The following GABBR2 variants were observed in gnomAD, a reference collection of about 807,000 sequenced individuals.
GABBR2 encodes gamma-aminobutyric acid type B receptor subunit 2.
In GABBR2, 23 loss-of-function variants were observed where a neutral mutation model predicts 105.6. That is an observed-to-expected ratio of 0.22 (90% CI 0.16 to 0.31). GABBR2 has a LOEUF of 0.31. Ranked by LOEUF, GABBR2 falls within the 10% of genes least tolerant of loss-of-function variation. GABBR2 has a pLI of 1.00. For synonymous variants in GABBR2, 478 were observed against 499.7 expected (o/e 0.96, Z 0.58); for missense variants, 734 against 1,245.5 (o/e 0.59, Z 6.18).
At chr9:98,473,042 CAA>C (rs1379366555) in intron 6 of GABBR2, 102 bp downstream of exon 6, 18 of 848,258 alleles carry the variant, frequency 2.1e-5, no homozygotes, top group South Asian at 6.4e-5. Context: ...GTGATTTGCT[CAA>C]AGTGACACAG....
Position 98,397,926 on chromosome 9 carries a change from G to A in GABBR2, c.1298-3671C>T, listed in dbSNP as rs137906759. 1.2e-3 allele frequency among the ~76,000 whole-genome samples: 179 copies of A among 152,230 alleles called. 1 individual carries two copies. The East Asian group carries it at 0.018, about 15-fold the overall frequency. ...TGCACTCTGCTCAGGGTGCCTCCTG[G>A]GTCTGCAGATGGAAGGACTGTGTCC... On this transcript the variant is annotated intron_variant, in intron 8 of 18. Coordinates refer to ENST00000259455, the MANE Select transcript of GABBR2 (RefSeq NM_005458.8).
intron 3 of GABBR2, among the ~76,000 whole-genome samples, chr9:98,504,427 G>A (rs1408921964): frequency 6.6e-6 from 1 of 152,160 alleles, no homozygotes; most frequent in East Asian, 1.9e-4. Flanking sequence ...CTTCCCTAAT[G>A]AGGCTACTGC....
At chr9:98,512,348 A>G (rs1827662779) in intron 3 of GABBR2, among the ~76,000 whole-genome samples, 1 of 150,834 alleles carries the variant, frequency 6.6e-6, no homozygotes, top group South Asian at 2.1e-4. Flanking sequence ...AAACGGGCAC[A>G]AGACAGGGAT....
intron 1 of GABBR2, among the ~76,000 whole-genome samples, chr9:98,639,130 C>G (rs909339048): frequency 2.0e-5 from 3 of 152,212 alleles, no homozygotes; most frequent in Admixed American, 6.5e-5. Flanking sequence ...CTCACCCTGG[C>G]CCTCCTTTCC....
intron 3 of GABBR2, among the ~76,000 whole-genome samples, chr9:98,518,067 G>T (rs183226049): frequency 1.3e-5 from 2 of 152,204 alleles, no homozygotes; most frequent in East Asian, 3.9e-4. Context: ...AAAGAGTTCC[G>T]GGTATTTTTT....
intron 6 of GABBR2, among the ~76,000 whole-genome samples, chr9:98,460,556 C>A (rs1826406031): frequency 6.6e-6 from 1 of 151,832 alleles, no homozygotes. Flanking sequence ...TTAGACACAG[C>A]AGAAAGTAGA....
chr9:98,454,352 T>A lies in GABBR2; in HGVS notation c.1000-135A>T. 1 of 685,706 alleles carries A rather than the reference T, an allele frequency of 1.5e-6. No homozygotes were observed. Among genetic ancestry groups the A allele is most frequent in the Admixed American group, 2.1e-5 (1 of 46,694 alleles). The allele number at this position is 685,706 out of a possible 1,614,324, so 42.5% of individuals were successfully genotyped here. A position where few individuals can be genotyped will look rare whatever the true frequency, so the allele number is the denominator to read the frequency against. ...AGTGCTAGATTCTACGTGCATTATC[T>A]CATTTAACCCTCACAACAACCTCAT... On this transcript the variant is annotated intron_variant, in intron 6 of 18. Transcript: ENST00000259455. The surrounding 1 kb of genome is among the most constrained non-coding windows in gnomAD (Gnocchi z 4.6).
intron 3 of GABBR2, among the ~76,000 whole-genome samples, chr9:98,537,358 TG>T (rs1301907974): frequency 2.6e-5 from 4 of 152,252 alleles, no homozygotes; most frequent in Admixed American, 2.0e-4. Flanking sequence ...TTCCTGGGGC[TG>T]GGGGGTGGAA....
At chr9:98,585,411 T>C (rs1267806751) in intron 1 of GABBR2, among the ~76,000 whole-genome samples, 1 of 147,244 alleles carries the variant, frequency 6.8e-6, no homozygotes, top group Non-Finnish European at 1.5e-5. Context: ...AAACACCACA[T>C]GTTCTCACTC....
intron 8 of GABBR2, 90 bp from the exon 9 acceptor site, chr9:98,394,345 G>GCCCTGGAT: frequency 1.2e-6 from 1 of 852,334 alleles, no homozygotes; most frequent in Non-Finnish European, 2.0e-6. Flanking sequence ...CCCCTCACAG[G>GCCCTGGAT]CCCTGGATAT....
chr9:98,685,354 C>T (rs1004649009), intron 1 of GABBR2, among the ~76,000 whole-genome samples: 1 of 152,244 alleles, frequency 6.6e-6, no homozygotes, highest in African/African-American at 2.4e-5. Context: ...CCTTGCTCCT[C>T]AGCTTGCAGA....
chr9:98,299,357 C>G lies in GABBR2; in HGVS notation c.2413-4G>C, dbSNP rs970388. The G allele has an allele frequency of 0.25, 410,683 of 1,613,382 alleles. 54,343 individuals carry two copies. The highest frequency in any genetic ancestry group is 0.35 in the East Asian group (15,670 of 44,848). On this transcript the variant is annotated splice_polypyrimidine_tract_variant and splice_region_variant and intron_variant, in intron 16 of 18. Coordinates refer to ENST00000259455, the MANE Select transcript of GABBR2 (RefSeq NM_005458.8). Reference sequence around the variant, plus strand: ...CCTCTTCCAAGTCTTTATCCAGCTACAAGACAAAGGTTCCAGTTGAGTCAG... The same window carrying G: ...CCTCTTCCAAGTCTTTATCCAGCTAGAAGACAAAGGTTCCAGTTGAGTCAG...
At chr9:98,636,104 G>T (rs1829872782) in intron 1 of GABBR2, among the ~76,000 whole-genome samples, 1 of 152,168 alleles carries the variant, frequency 6.6e-6, no homozygotes, top group South Asian at 2.1e-4. Context: ...TATGAAAAAT[G>T]ATGTGGGTGG....
At chr9:98,347,653 A>C (rs1831323787) in intron 13 of GABBR2, among the ~76,000 whole-genome samples, 1 of 152,158 alleles carries the variant, frequency 6.6e-6, no homozygotes, top group Non-Finnish European at 1.5e-5. Context: ...TGCTTAAACC[A>C]ATGTTTTGAA....
chr9:98,566,274 T>C (rs1016539765), intron 2 of GABBR2, among the ~76,000 whole-genome samples: 7 of 152,202 alleles, frequency 4.6e-5, no homozygotes, highest in Admixed American at 6.5e-5. Flanking sequence ...GGGATCTTGA[T>C]ACTCATGAAG....
rs1357018273 is a variant in GABBR2, at chr9:98,541,997, T to C, written c.506A>G (p.Tyr169Cys). 1 of 1,614,038 alleles carries C rather than the reference T, an allele frequency of 6.2e-7. No individual in the cohort carries two copies. Among genetic ancestry groups the C allele is most frequent in the South Asian group, 1.1e-5 (1 of 91,082 alleles). The part of the protein sequence containing the change: ...TTPVLADKKK[Y>C]PYFFRTVPSD... ...TGGGACGGTCCGAAAGAAATAAGGG[T>C]ATTTTTTCTTATCGGCTAGAACAGG... Residue 169 changes from tyrosine to cysteine, a missense_variant, in exon 3 of 19, where the codon TAC becomes TGC. Physicochemically the swap from Tyr to Cys is radical, Grantham distance 194 (BLOSUM62 -2). Around this residue, in one of 7 missense-constraint regions of GABBR2, gnomAD observed 370 missense variants for 648.9 expected, o/e 0.57. Transcript: ENST00000259455.
intron 2 of GABBR2, chr9:98,555,970 G>C (rs1487664287): frequency 6.8e-6 from 1 of 146,606 alleles, no homozygotes; most frequent in African/African-American, 2.4e-5. Context: ...CTCATTGAGG[G>C]CTGTCTGTGA....
chr9:98,544,359 A>C (rs1828363485), intron 2 of GABBR2, among the ~76,000 whole-genome samples: 4 of 152,264 alleles, frequency 2.6e-5, no homozygotes, highest in South Asian at 4.2e-4. Context: ...GAATTGCTGG[A>C]TCTCCTATCT....
At chr9:98,429,341 A>G (rs1826222339) in intron 7 of GABBR2, among the ~76,000 whole-genome samples, 3 of 152,026 alleles carry the variant, frequency 2.0e-5, no homozygotes, top group Non-Finnish European at 4.4e-5. Flanking sequence ...GGGTTTCACC[A>G]TGCTGGCCAG....
Sources: allele counts gnomAD v4.1 joint callset (sites outside exome capture counted in the v4.1 genomes callset), GRCh38; gene constraint gnomAD v4.1.1; regional missense constraint gnomAD v4.1.1; non-coding constraint Gnocchi (gnomAD v3.1); transcripts MANE v1.5; gene names NCBI Gene and HGNC (gene_info 2026-07-23, HGNC 2026-07-21).